The following ANKRD17 variants were observed in gnomAD, a reference collection of about 807,000 sequenced individuals.
ANKRD17 encodes ankyrin repeat domain-containing protein 17.
A neutral mutation model predicts 229.7 loss-of-function variants in ANKRD17; 19 were observed. The observed-to-expected ratio is 0.08, with a 90% CI of 0.06 to 0.12. ANKRD17 has a LOEUF of 0.12. Among genes scored for constraint, ANKRD17 ranks in the 10% least tolerant of loss-of-function variants. The pLI is 1.00. For synonymous variants in ANKRD17, 1,112 were observed against 1,146.1 expected (o/e 0.97, Z 0.60); for missense variants, 2,176 against 3,176.8 (o/e 0.68, Z 7.57).
intron 16 of ANKRD17, among the ~76,000 whole-genome samples, 199 bp from the exon 17 acceptor site, chr4:73,125,511 G>A (rs1727315279): frequency 6.6e-6 from 1 of 152,104 alleles, no homozygotes; most frequent in African/African-American, 2.4e-5. Context: ...GAGGTGGGCA[G>A]ATCACGAGGT....
At chr4:73,223,110 C>G in intron 1 of ANKRD17, 1 of 1,452,352 alleles carries the variant, frequency 6.9e-7, no homozygotes, top group Non-Finnish European at 9.3e-7. Flanking sequence ...AGCAAGGGAA[C>G]AGGAAATGGA....
chr4:73,257,514 C>T (rs937683299), intron 1 of ANKRD17, among the ~76,000 whole-genome samples: 4 of 152,144 alleles, frequency 2.6e-5, no homozygotes, highest in Admixed American at 6.5e-5. Context: ...AATTCTAACT[C>T]ACTAAGGAAA....
intron 23 of ANKRD17, among the ~76,000 whole-genome samples, 178 bp downstream of exon 23, chr4:73,115,643 A>C (rs1725855437): frequency 6.6e-6 from 1 of 152,020 alleles, no homozygotes; most frequent in African/African-American, 2.4e-5. Flanking sequence ...TGTTTTATTG[A>C]TTCATTAGGT....
At chr4:73,231,450 C>G (rs1460719507) in intron 1 of ANKRD17, among the ~76,000 whole-genome samples, 3 of 152,180 alleles carry the variant, frequency 2.0e-5, no homozygotes, top group African/African-American at 7.2e-5. Context: ...ACTCTGCGCT[C>G]TGCTATTTCC....
rs1236874339 is a variant in ANKRD17, at chr4:73,077,356, C to A, written c.7586G>T (p.Gly2529Val). The A allele has an allele frequency of 6.2e-7, 1 of 1,600,646 alleles. No individual in the cohort carries two copies. Among genetic ancestry groups the A allele is most frequent in the South Asian group, 1.1e-5 (1 of 88,346 alleles). The change falls in exon 32 of 34, where the codon GGG becomes GTG. Residue 2529 changes from glycine (G) to valine (V), a missense_variant and splice_region_variant. Physicochemically the swap from Gly to Val is moderately radical, Grantham distance 109 (BLOSUM62 -3). Transcript: ENST00000358602. ...ACTAGTACAAAATCAGGACTTTACCCCAACTTTAGGAAAGTCCATGTAGCC... is the reference window on the plus strand; with the variant it reads ...ACTAGTACAAAATCAGGACTTTACCACAACTTTAGGAAAGTCCATGTAGCC... ...PAGYMDFPKV[G>V]GMPFSVYGNA...
chr4:73,080,101 T>A (rs568604702), intron 30 of ANKRD17, among the ~76,000 whole-genome samples: 6 of 152,076 alleles, frequency 3.9e-5, no homozygotes, highest in African/African-American at 1.4e-4. Context: ...GCAAGATGAC[T>A]CCATCCCCCC....
intron 1 of ANKRD17, among the ~76,000 whole-genome samples, chr4:73,247,447 A>T (rs547978736): frequency 6.6e-6 from 1 of 152,236 alleles, no homozygotes; most frequent in South Asian, 2.1e-4. Context: ...CAATGTAGTG[A>T]AAACAATCTA....
chr4:73,191,190 G>A (rs1737018524), intron 1 of ANKRD17, among the ~76,000 whole-genome samples: 1 of 152,094 alleles, frequency 6.6e-6, no homozygotes, highest in Non-Finnish European at 1.5e-5. Flanking sequence ...AAACAGTGGA[G>A]TATTGAATCC....
At chr4:73,111,179 T>C (rs1458000986) in intron 24 of ANKRD17, among the ~76,000 whole-genome samples, 1 of 152,154 alleles carries the variant, frequency 6.6e-6, no homozygotes, top group East Asian at 1.9e-4. Flanking sequence ...AAGAAACCCA[T>C]GATAAAATTT....
chr4:73,179,628 G>C (rs1223103351), intron 1 of ANKRD17, among the ~76,000 whole-genome samples: 3 of 149,520 alleles, frequency 2.0e-5, no homozygotes, highest in African/African-American at 2.5e-5. Context: ...CAAGTAGCTG[G>C]GATTACAGGC....
intron 1 of ANKRD17, among the ~76,000 whole-genome samples, chr4:73,180,467 A>T (rs759100099): frequency 6.6e-5 from 10 of 152,162 alleles, no homozygotes; most frequent in Admixed American, 1.3e-4. Flanking sequence ...ACTTACTAGG[A>T]AAATTGCATT....
chr4:73,195,209 T>G (rs1169373959), intron 1 of ANKRD17, among the ~76,000 whole-genome samples: 1 of 152,198 alleles, frequency 6.6e-6, no homozygotes, highest in Admixed American at 6.5e-5. Flanking sequence ...TTTATATTCC[T>G]AGGATACACA....
At chr4:73,084,956 C>A (rs974743275) in intron 30 of ANKRD17, among the ~76,000 whole-genome samples, 11 of 152,192 alleles carry the variant, frequency 7.2e-5, no homozygotes, top group African/African-American at 2.4e-4. Context: ...GGCAGGAAGA[C>A]TGCTTCAGCC....
chr4:73,153,793 AT>A, intron 6 of ANKRD17, 86 bp downstream of exon 6: 5 of 987,374 alleles, frequency 5.1e-6, no homozygotes, highest in South Asian at 5.3e-5. Context: ...TCATTGTTTT[AT>A]TTTTTAACTT....
intron 1 of ANKRD17, among the ~76,000 whole-genome samples, chr4:73,181,334 G>A (rs1735515701): frequency 6.6e-6 from 1 of 152,164 alleles, no homozygotes; most frequent in Non-Finnish European, 1.5e-5. Context: ...CTTCTTTAAT[G>A]AGTGTGTGTA....
intron 25 of ANKRD17, chr4:73,099,118 G>A (rs1226253529): frequency 6.7e-6 from 5 of 742,324 alleles, no homozygotes; most frequent in Admixed American, 3.9e-5. Flanking sequence ...AGGGCATCTG[G>A]CAGGAGTCCT....
chr4:73,101,284 A>T (rs1418035911), intron 25 of ANKRD17: 1 of 889,002 alleles, frequency 1.1e-6, no homozygotes, highest in Non-Finnish European at 1.3e-6. Flanking sequence ...TCTGGATTGT[A>T]GATGATATTA....
At chr4:73,122,027 C>T (rs145821758) in intron 18 of ANKRD17, among the ~76,000 whole-genome samples, 3 of 152,010 alleles carry the variant, frequency 2.0e-5, no homozygotes, top group Admixed American at 1.3e-4. Context: ...TTGTGACATG[C>T]TTTGGAAATT....
At chr4:73,219,605 C>A (rs1027164567) in intron 1 of ANKRD17, among the ~76,000 whole-genome samples, 1 of 152,128 alleles carries the variant, frequency 6.6e-6, no homozygotes, top group African/African-American at 2.4e-5. Context: ...TAAATCTGAA[C>A]CTTAATTCAG....
Sources: allele counts gnomAD v4.1 joint callset (sites outside exome capture counted in the v4.1 genomes callset), GRCh38; gene constraint gnomAD v4.1.1; transcripts MANE v1.5; gene names NCBI Gene and HGNC (gene_info 2026-07-23, HGNC 2026-07-21).